Variants in CTNNAL1 observed in about 807,000 individuals in gnomAD.
CTNNAL1 encodes catenin alpha like 1.
Under a neutral mutation model 93.6 loss-of-function variants are expected in CTNNAL1, and 69 were observed. The ratio of observed to expected loss-of-function variants is 0.74; its 90% CI spans 0.61 to 0.90. The LOEUF is 0.90. Ranked by LOEUF, CTNNAL1 falls within the 40% of genes least tolerant of loss-of-function variation. The probability of loss-of-function intolerance (pLI) is 0.00; values close to 1 mark genes in which losing one functional copy is unlikely to be tolerated. For synonymous variants in CTNNAL1, 286 were observed against 305.4 expected, an observed-to-expected ratio of 0.94 and a Z score of 0.66; for missense variants, 836 against 862.0, an observed-to-expected ratio of 0.97 and a Z score of 0.38.
chr9:108,970,601 AC>A, intron 9 of CTNNAL1, 107 bp from the exon 10 acceptor site: 1 of 951,414 alleles, frequency 1.1e-6, no homozygotes, highest in Non-Finnish European at 1.4e-6. Context: ...ATTTCTTAAA[AC>A]CTATTAAAAT....
chr9:108,958,679 T>C (rs904944438), intron 11 of CTNNAL1, among the ~76,000 whole-genome samples: 1 of 152,002 alleles, frequency 6.6e-6, no homozygotes, highest in Non-Finnish European at 1.5e-5. Context: ...ATCTAAATTA[T>C]AGTTAATTAT....
At chr9:108,950,651 G>A (rs1830536391) in intron 14 of CTNNAL1, 4 of 1,537,706 alleles carry the variant, frequency 2.6e-6, no homozygotes, top group Middle Eastern at 1.7e-4. Context: ...TCTGTCTGCT[G>A]CCTCACCTAT....
intron 6 of CTNNAL1, among the ~76,000 whole-genome samples, chr9:108,980,064 T>C (rs574322228): frequency 6.6e-6 from 1 of 152,228 alleles, no homozygotes; most frequent in Non-Finnish European, 1.5e-5. Context: ...TAATCTAAAA[T>C]GTAAACCATC....
intron 4 of CTNNAL1, among the ~76,000 whole-genome samples, chr9:108,986,419 G>T (rs1293700300): frequency 6.7e-6 from 1 of 149,796 alleles, no homozygotes; most frequent in Non-Finnish European, 1.5e-5. Flanking sequence ...TCTTAATCCA[G>T]TCTATCATTG....
At chr9:108,966,768 A>T (rs958101190) in intron 10 of CTNNAL1, among the ~76,000 whole-genome samples, 1 of 152,142 alleles carries the variant, frequency 6.6e-6, no homozygotes, top group Non-Finnish European at 1.5e-5. Flanking sequence ...TATAATAATC[A>T]CTCTCTAACA....
intron 11 of CTNNAL1, among the ~76,000 whole-genome samples, chr9:108,960,872 A>C (rs762525306): frequency 5.3e-5 from 8 of 152,218 alleles, no homozygotes; most frequent in Non-Finnish European, 1.2e-4. Flanking sequence ...GCAGAATGGG[A>C]TGAAAGCAGA....
intron 8 of CTNNAL1, among the ~76,000 whole-genome samples, chr9:108,974,292 C>T (rs1831198156): frequency 6.6e-6 from 1 of 152,212 alleles, no homozygotes; most frequent in East Asian, 1.9e-4. Flanking sequence ...TACTGACAGT[C>T]AGGATTTTAA....
At chr9:108,969,343 G>A (rs1393117165) in intron 10 of CTNNAL1, among the ~76,000 whole-genome samples, 2 of 151,344 alleles carry the variant, frequency 1.3e-5, no homozygotes, top group African/African-American at 2.4e-5. Context: ...AGTATTAAAT[G>A]AGATAATCAG....
At chr9:108,945,156 C>G (rs2132077321) in intron 15 of CTNNAL1, among the ~76,000 whole-genome samples, 1 of 152,298 alleles carries the variant, frequency 6.6e-6, no homozygotes. Flanking sequence ...CCTGAACTAT[C>G]CTGACATCAG....
intron 11 of CTNNAL1, among the ~76,000 whole-genome samples, chr9:108,963,006 G>T (rs1830858536): frequency 6.6e-6 from 1 of 152,112 alleles, no homozygotes. Context: ...AGATCTCAGA[G>T]GAAGGAAGAG....
intron 18 of CTNNAL1, 56 bp downstream of exon 18, chr9:108,942,905 A>G (rs763391443): frequency 3.1e-6 from 5 of 1,608,868 alleles, no homozygotes; most frequent in Admixed American, 1.7e-5. Context: ...AGTAGTAACT[A>G]TTTTCTTTTA....
chr9:108,982,735 A>C (rs1831473558), intron 6 of CTNNAL1, among the ~76,000 whole-genome samples: 1 of 152,228 alleles, frequency 6.6e-6, no homozygotes, highest in South Asian at 2.1e-4. Context: ...CACTGTTCTA[A>C]AACATTACAC....
chr9:108,944,111 A>T (rs1830329035), intron 15 of CTNNAL1, 93 bp from the exon 16 acceptor site: 1 of 1,235,928 alleles, frequency 8.1e-7, no homozygotes, highest in Non-Finnish European at 1.1e-6. Flanking sequence ...GTAGAATTTT[A>T]AAAATAAAGC....
At chr9:108,975,779 T>C (rs1028770014) in intron 8 of CTNNAL1, among the ~76,000 whole-genome samples, 11 of 152,158 alleles carry the variant, frequency 7.2e-5, no homozygotes, top group African/African-American at 2.7e-4. Flanking sequence ...TCTGCTGTTG[T>C]AGTGAGAAAA....
At chr9:108,970,840 C>G (rs1188803769) in intron 9 of CTNNAL1, among the ~76,000 whole-genome samples, 2 of 151,876 alleles carry the variant, frequency 1.3e-5, no homozygotes, top group African/African-American at 4.8e-5. Context: ...AAATTTGGCT[C>G]AGAGAAGTAA....
chr9:108,984,115 A>G (rs1217519003), intron 5 of CTNNAL1, among the ~76,000 whole-genome samples: 1 of 152,146 alleles, frequency 6.6e-6, no homozygotes, highest in East Asian at 1.9e-4. Context: ...CACCTAATAC[A>G]CCATGTTCTG....
At chr9:108,972,110 C>T (rs557272127) in intron 9 of CTNNAL1, among the ~76,000 whole-genome samples, 1 of 152,248 alleles carries the variant, frequency 6.6e-6, no homozygotes, top group African/African-American at 2.4e-5. Context: ...GGGAGGGTCA[C>T]CTTGGGCTGT....
chr9:108,972,860 G>GCCCCCCCC, intron 8 of CTNNAL1, 27 bp from the exon 9 acceptor site: 1 of 353,504 alleles, frequency 2.8e-6, no homozygotes, highest in Non-Finnish European at 5.4e-6. Context: ...GGGTGGGGGG[G>GCCCCCCCC]TGGGAGGGTG....
intron 11 of CTNNAL1, among the ~76,000 whole-genome samples, chr9:108,964,367 T>C (rs1426036743): frequency 1.3e-5 from 2 of 152,200 alleles, no homozygotes; most frequent in Non-Finnish European, 2.9e-5. Context: ...GATATAATTG[T>C]AAATGACATT....
Sources: allele counts gnomAD v4.1 joint callset (sites outside exome capture counted in the v4.1 genomes callset), GRCh38; gene constraint gnomAD v4.1.1; transcripts MANE v1.5; gene names NCBI Gene and HGNC (gene_info 2026-07-23, HGNC 2026-07-21).